Variants in COL4A5 observed in about 807,000 individuals in gnomAD.
COL4A5 encodes collagen alpha-5(IV) chain.
Under a neutral mutation model 130.2 loss-of-function variants are expected in COL4A5, and 26 were observed. The ratio of observed to expected loss-of-function variants is 0.20; its 90% CI spans 0.15 to 0.28. The LOEUF is 0.28. Among genes scored for constraint, COL4A5 ranks in the 10% least tolerant of loss-of-function variants. The pLI, the probability that COL4A5 is intolerant of heterozygous loss-of-function variation, is 1.00. For synonymous variants in COL4A5, 496 were observed against 439.6 expected (o/e 1.13, Z -1.60); for missense variants, 1,131 against 1,344.3 (o/e 0.84, Z 2.48).
rs777106929 is a variant in COL4A5, at chrX:108,439,961, T to C, written c.-165T>C. 143 of 448,872 alleles carry C rather than the reference T, an allele frequency of 3.2e-4. 1 individual carries two copies. Among genetic ancestry groups the C allele is most frequent in the African/African-American group, 3.0e-3 (119 of 40,013 alleles). The allele number at this position is 448,872 out of a possible 1,213,427, so 37.0% of individuals were successfully genotyped here. On this transcript the variant is annotated 5_prime_UTR_variant, in exon 1 of 53. Transcript: ENST00000328300. ...AGAGTAGCTCCTTCTTCTTCTTCTT[T>C]TTTTTTTCTTCCACTCTTAAAAAGC... is the stretch of plus-strand genomic sequence containing the variant.
chrX:108,502,797 TC>T (rs1435551786), intron 1 of COL4A5, among the ~76,000 whole-genome samples: 1 of 111,627 alleles, frequency 9.0e-6, no homozygotes, highest in Non-Finnish European at 1.9e-5. Flanking sequence ...CACATCCTAA[TC>T]CCAACCCAGT....
intron 2 of COL4A5, among the ~76,000 whole-genome samples, chrX:108,546,867 A>C (rs1007390580): frequency 1.3e-4 from 15 of 111,446 alleles, no homozygotes; most frequent in Admixed American, 3.8e-4. Flanking sequence ...TTTGATCTTC[A>C]ATCACTGATA....
intron 27 of COL4A5, among the ~76,000 whole-genome samples, 189 bp from the exon 28 acceptor site, chrX:108,602,775 G>T (rs1399433496): frequency 8.9e-6 from 1 of 111,975 alleles, no homozygotes; most frequent in Non-Finnish European, 1.9e-5. Flanking sequence ...TTAGCTCTAT[G>T]TGAAAATAAA....
chrX:108,457,882 C>T (rs1451628303), intron 1 of COL4A5, among the ~76,000 whole-genome samples: 1 of 111,828 alleles, frequency 8.9e-6, no homozygotes, highest in Admixed American at 9.5e-5. Context: ...CATTTGAGAT[C>T]CATCCATGTT....
At chrX:108,515,203 A>G (rs1603261591) in intron 1 of COL4A5, among the ~76,000 whole-genome samples, 2 of 112,035 alleles carry the variant, frequency 1.8e-5, no homozygotes, top group South Asian at 7.4e-4. Flanking sequence ...GATTGCCTCA[A>G]TCAGAAACTA....
At chrX:108,530,516 A>C (rs957576127) in intron 1 of COL4A5, among the ~76,000 whole-genome samples, 1 of 104,537 alleles carries the variant, frequency 9.6e-6, no homozygotes, top group Non-Finnish European at 2.0e-5. Flanking sequence ...CAAGAAAAAA[A>C]CAAACAACCC....
At chrX:108,473,770 C>G (rs777038001) in intron 1 of COL4A5, among the ~76,000 whole-genome samples, 2 of 103,364 alleles carry the variant, frequency 1.9e-5, no homozygotes, top group Non-Finnish European at 4.0e-5. Context: ...TAGCTGGGAT[C>G]ACAGGCACCT....
chrX:108,581,067 C>T, intron 16 of COL4A5, 40 bp downstream of exon 16: 2 of 1,125,380 alleles, frequency 1.8e-6, no homozygotes, highest in Non-Finnish European at 2.4e-6. Context: ...AAACTGGAGA[C>T]ATTTATGTGT....
intron 1 of COL4A5, among the ~76,000 whole-genome samples, chrX:108,454,535 C>A (rs937170517): frequency 9.0e-6 from 1 of 111,449 alleles, no homozygotes; most frequent in African/African-American, 3.3e-5. Context: ...CCTCGGCCTC[C>A]CAAAGTGCTG....
At chrX:108,556,284 T>A (rs1201996464) in intron 2 of COL4A5, among the ~76,000 whole-genome samples, 3 of 111,843 alleles carry the variant, frequency 2.7e-5, no homozygotes, top group Non-Finnish European at 3.8e-5. Flanking sequence ...TTAGAGTAAT[T>A]ATTTGGTATA....
chrX:108,672,710 T>C (rs2068228049), intron 42 of COL4A5, among the ~76,000 whole-genome samples: 1 of 112,221 alleles, frequency 8.9e-6, no homozygotes, highest in Non-Finnish European at 1.9e-5. Flanking sequence ...AGTTTTGCTA[T>C]GATATGATCC....
intron 37 of COL4A5, among the ~76,000 whole-genome samples, chrX:108,657,214 A>C (rs1294681458): frequency 9.1e-6 from 1 of 109,917 alleles, no homozygotes; most frequent in African/African-American, 3.3e-5. Context: ...TTTTTCCAGC[A>C]CAGTTATCCA....
rs181600599 is a variant in COL4A5, at chrX:108,611,911, G to C, written c.2396-3000G>C. On this transcript the variant is annotated intron_variant, in intron 29 of 52. Transcript: ENST00000328300. ...ACATAAAAATCCTCAAGAAAATATT[G>C]GCAAGTCAAATCTAGCAATATATGA... is the stretch of plus-strand genomic sequence containing the variant. Among the ~76,000 whole-genome samples the C allele has an allele frequency of 1.4e-3, 157 of 110,989 alleles. 3 individuals are homozygous for C. Among genetic ancestry groups the C allele is most frequent in the Admixed American group, 0.013 (136 of 10,418 alleles).
At chrX:108,479,351 A>G (rs186240607) in intron 1 of COL4A5, among the ~76,000 whole-genome samples, 7 of 112,434 alleles carry the variant, frequency 6.2e-5, no homozygotes, top group African/African-American at 1.9e-4. Context: ...TCAGTATACA[A>G]TCGCACATCT....
intron 52 of COL4A5, chrX:108,695,847 T>A (rs1283351895): frequency 4.2e-6 from 1 of 235,771 alleles, no homozygotes; most frequent in East Asian, 1.1e-4. Flanking sequence ...GAGCAAGACA[T>A]ACGTAATGTA....
At chrX:108,571,580 T>C in intron 7 of COL4A5, 114 bp downstream of exon 7, 2 of 659,999 alleles carry the variant, frequency 3.0e-6, no homozygotes, top group East Asian at 3.2e-5. Flanking sequence ...TTTAAAGTAA[T>C]AAACTAGAGG....
At chrX:108,602,681 G>A (rs1400418089) in intron 27 of COL4A5, among the ~76,000 whole-genome samples, 1 of 111,915 alleles carries the variant, frequency 8.9e-6, no homozygotes, top group African/African-American at 3.3e-5. Flanking sequence ...GCATTTTTGT[G>A]TGGGATTCAT....
chrX:108,637,698 A>C (rs1371156470), intron 36 of COL4A5, among the ~76,000 whole-genome samples: 1 of 111,812 alleles, frequency 8.9e-6, no homozygotes, highest in Non-Finnish European at 1.9e-5. Context: ...TGAAATGGGC[A>C]AATTCCTAGA....
At chrX:108,519,770 T>C (rs941779983) in intron 1 of COL4A5, among the ~76,000 whole-genome samples, 1 of 111,124 alleles carries the variant, frequency 9.0e-6, no homozygotes, top group Non-Finnish European at 1.9e-5. Context: ...CTCCATGATA[T>C]CCACTTTCCT....
Sources: gnomAD v4.1 joint callset for allele counts (sites outside exome capture counted in the v4.1 genomes callset) on GRCh38, gnomAD v4.1.1 for gene constraint, MANE v1.5 for transcripts, NCBI Gene and HGNC (gene_info 2026-07-23, HGNC 2026-07-21) for gene names.